Variants in TRIM24 observed in about 807,000 individuals in gnomAD.
TRIM24 encodes the protein tripartite motif containing 24.
TRIM24 carries 29 observed loss-of-function variants against 123.9 expected under a neutral mutation model. The observed-to-expected ratio is 0.23, with a 90% confidence interval of 0.17 to 0.32. The LOEUF (loss-of-function observed/expected upper bound fraction) is 0.32, where lower values mean the gene tolerates loss of function less well. Among genes scored for constraint, TRIM24 ranks in the 10% least tolerant of loss-of-function variants. TRIM24 has a pLI of 1.00. For synonymous variants in TRIM24, 456 were observed against 461.1 expected (o/e 0.99, Z 0.14); for missense variants, 932 against 1,295.3 (o/e 0.72, Z 4.31).
In TRIM24 at chr7:138,460,693, C is replaced by T. The variant is rs1207796958; in HGVS notation, c.145C>T (p.Arg49Trp). The part of the protein sequence containing the change: ...PDSERGGEAA[R>W]LNLLDTCAVC... ...CTCGGAGCGCGGCGGCGAGGCGGCC[C>T]GGCTCAACCTGTTGGACACTTGCGC... The change falls in exon 1 of 19, where the codon CGG becomes TGG. Residue 49 changes from arginine (R) to tryptophan (W), a missense_variant. Arg to Trp is a moderately radical substitution (Grantham distance 101). This residue lies in a region of TRIM24 where 164 missense variants were observed against 181.9 expected (regional missense o/e 0.90). Transcript: ENST00000343526. 5.2e-6 allele frequency: 8 copies of T among 1,544,530 alleles called. No individual in the cohort carries two copies. The highest frequency in any genetic ancestry group is 6.9e-6 in the Non-Finnish European group (8 of 1,151,112).
intron 1 of TRIM24, chr7:138,490,846 G>C (rs904003672): frequency 6.5e-6 from 3 of 458,686 alleles, no homozygotes; most frequent in Non-Finnish European, 1.3e-5. Context: ...GTCTGTACCT[G>C]TCAGGTCATG....
intron 15 of TRIM24, 31 bp downstream of exon 15, chr7:138,579,563 T>C (rs770453236): frequency 1.6e-5 from 24 of 1,512,452 alleles, no homozygotes; most frequent in Non-Finnish European, 2.1e-5. Context: ...CCACATTCTT[T>C]TACTGTAAAC....
intron 1 of TRIM24, among the ~76,000 whole-genome samples, chr7:138,461,563 G>C (rs1381363292): frequency 6.6e-6 from 1 of 152,184 alleles, no homozygotes; most frequent in African/African-American, 2.4e-5. Context: ...TTGAGACGGC[G>C]AAGAGAAATA....
chr7:138,557,473 G>A (rs1797338685), intron 9 of TRIM24, among the ~76,000 whole-genome samples: 1 of 152,162 alleles, frequency 6.6e-6, no homozygotes, highest in South Asian at 2.1e-4. Context: ...TTAACAAGGA[G>A]GGGTAAGAGA....
At chr7:138,510,985 T>A (rs546604567) in intron 2 of TRIM24, among the ~76,000 whole-genome samples, 2 of 152,272 alleles carry the variant, frequency 1.3e-5, no homozygotes, top group Non-Finnish European at 2.9e-5. Flanking sequence ...TTATGGATTA[T>A]CCTTCCTTTT....
At chr7:138,491,050 C>T in intron 1 of TRIM24, 1 of 263,784 alleles carries the variant, frequency 3.8e-6, no homozygotes, top group Non-Finnish European at 7.5e-6. Flanking sequence ...CACATTTTGT[C>T]CTGGAGTAAG....
intron 1 of TRIM24, among the ~76,000 whole-genome samples, chr7:138,474,859 AT>A (rs2116464033): frequency 6.6e-6 from 1 of 152,324 alleles, no homozygotes; most frequent in South Asian, 2.1e-4. Flanking sequence ...AAGAGATCTT[AT>A]GTCAGGAAAA....
chr7:138,537,838 A>G (rs1471688736), intron 6 of TRIM24, among the ~76,000 whole-genome samples: 3 of 152,160 alleles, frequency 2.0e-5, no homozygotes, highest in Non-Finnish European at 2.9e-5. Context: ...TTGAGAATGT[A>G]AGTCCATGTT....
chr7:138,566,309 A>G (rs1038717826), intron 9 of TRIM24, among the ~76,000 whole-genome samples: 17 of 152,088 alleles, frequency 1.1e-4, no homozygotes, highest in Admixed American at 8.5e-4. Flanking sequence ...TGAGGTCAGG[A>G]GTTCGAAACC....
intron 14 of TRIM24, among the ~76,000 whole-genome samples, chr7:138,578,920 G>GTATATATATATATATATA (rs71177997): frequency 3.1e-4 from 46 of 146,428 alleles, no homozygotes; most frequent in African/African-American, 1.1e-3. Context: ...CTCCAGTGAG[G>GTATATATATATATATATA]TATATATATA....
chr7:138,497,393 CT>C (rs869232002), intron 1 of TRIM24, among the ~76,000 whole-genome samples: 2,220 of 88,268 alleles, frequency 0.025, 12 homozygotes, highest in African/African-American at 0.066. Flanking sequence ...ATTACAATTT[CT>C]TTTTTTTTTT....
intron 1 of TRIM24, among the ~76,000 whole-genome samples, chr7:138,483,279 T>C (rs1795571173): frequency 6.6e-6 from 1 of 152,236 alleles, no homozygotes; most frequent in Admixed American, 6.5e-5. Flanking sequence ...TGTTAAATCT[T>C]TCTAATTCTA....
At chr7:138,558,454 G>C (rs1463591673) in intron 9 of TRIM24, among the ~76,000 whole-genome samples, 1 of 152,120 alleles carries the variant, frequency 6.6e-6, no homozygotes, top group Admixed American at 6.5e-5. Context: ...AAGTTACCTT[G>C]GGGCATTAGC....
chr7:138,570,714 C>T, intron 10 of TRIM24, 116 bp from the exon 11 acceptor site: 1 of 923,316 alleles, frequency 1.1e-6, no homozygotes, highest in Non-Finnish European at 1.6e-6. Context: ...GTCCCATTCT[C>T]CTTCCATGTA....
At chr7:138,485,684 T>C (rs1795629944) in intron 1 of TRIM24, among the ~76,000 whole-genome samples, 1 of 152,234 alleles carries the variant, frequency 6.6e-6, no homozygotes, top group Non-Finnish European at 1.5e-5. Context: ...TCCTTTTTTA[T>C]GGCTGCATAG....
chr7:138,500,679 G>A (rs1046261839), intron 1 of TRIM24, among the ~76,000 whole-genome samples: 2 of 151,456 alleles, frequency 1.3e-5, no homozygotes, highest in East Asian at 1.9e-4. Flanking sequence ...TTTGAGAGCA[G>A]CCTGGGCAAT....
intron 7 of TRIM24, among the ~76,000 whole-genome samples, chr7:138,548,424 A>C (rs1386101495): frequency 6.6e-6 from 1 of 152,094 alleles, no homozygotes; most frequent in Non-Finnish European, 1.5e-5. Context: ...AGTCAAAAAA[A>C]AAAAAACAGT....
At chr7:138,517,399 CTCACT>C (rs1326372864) in intron 3 of TRIM24, among the ~76,000 whole-genome samples, 2 of 148,138 alleles carry the variant, frequency 1.4e-5, no homozygotes, top group Admixed American at 1.3e-4. Flanking sequence ...TAGACAGAAT[CTCACT>C]CCATGACCCA....
chr7:138,585,390 G>T lies in TRIM24; in HGVS notation c.*439G>T. The T allele has an allele frequency of 4.3e-6, 1 of 230,944 alleles. No individual in the cohort carries two copies. Among genetic ancestry groups the T allele is most frequent in the Non-Finnish European group, 8.5e-6 (1 of 117,666 alleles). The allele number at this position is 230,944 out of a possible 1,614,324, so 14.3% of individuals were successfully genotyped here. ...GCTTTAGAAATTAATACCACTACCC[G>T]TGAATTATATGGCCTGACAATATGA... On this transcript the variant is annotated 3_prime_UTR_variant, in exon 19 of 19. Coordinates refer to ENST00000343526, the MANE Select transcript of TRIM24 (RefSeq NM_015905.3).
Sources: gnomAD v4.1 joint callset for allele counts (sites outside exome capture counted in the v4.1 genomes callset) on GRCh38, gnomAD v4.1.1 for gene constraint, gnomAD v4.1.1 regional missense constraint, MANE v1.5 for transcripts, NCBI Gene and HGNC (gene_info 2026-07-23, HGNC 2026-07-21) for gene names.